FBXO36: variants seen among roughly 807,000 people sequenced by gnomAD.
FBXO36 encodes F-box protein 36.
A neutral mutation model predicts 17.0 loss-of-function variants in FBXO36; 18 were observed. That is an observed-to-expected ratio of 1.06 (90% CI 0.73 to 1.57). The LOEUF (loss-of-function observed/expected upper bound fraction) is 1.57. Ranked by LOEUF, FBXO36 falls within the 40% of genes most tolerant of loss-of-function variation. FBXO36 has a pLI of 0.00. For missense variants in FBXO36, 229 were observed against 221.9 expected, an observed-to-expected ratio of 1.03 and a Z score of -0.20; for synonymous variants, 83 against 85.3, an observed-to-expected ratio of 0.97 and a Z score of 0.15.
intron 1 of FBXO36, among the ~76,000 whole-genome samples, chr2:229,958,958 C>T (rs1183775625): frequency 4.6e-5 from 7 of 152,176 alleles, no homozygotes; most frequent in Non-Finnish European, 1.0e-4. Context: ...ATGAAACTCA[C>T]CCAAGGTCAC....
At chr2:229,975,552 G>A (rs1276026142) in intron 1 of FBXO36, among the ~76,000 whole-genome samples, 4 of 144,686 alleles carry the variant, frequency 2.8e-5, no homozygotes, top group East Asian at 2.1e-4. Context: ...CACTGCAGCC[G>A]CAGCCTCAAC....
intron 1 of FBXO36, among the ~76,000 whole-genome samples, chr2:229,949,908 G>A (rs989877749): frequency 3.3e-5 from 5 of 152,352 alleles, no homozygotes; most frequent in Non-Finnish European, 7.3e-5. Flanking sequence ...CTGGGTGACA[G>A]AGCGAGACTC....
intron 1 of FBXO36, among the ~76,000 whole-genome samples, chr2:229,970,404 A>G (rs1449456464): frequency 1.3e-5 from 2 of 152,160 alleles, no homozygotes; most frequent in Non-Finnish European, 2.9e-5. Context: ...ACTGGAAACA[A>G]CTCAGAAACC....
At chr2:229,968,610 G>A (rs956593433) in intron 1 of FBXO36, among the ~76,000 whole-genome samples, 1 of 152,096 alleles carries the variant, frequency 6.6e-6, no homozygotes, top group Non-Finnish European at 1.5e-5. Context: ...TGGGACTACA[G>A]GCGTGTGCTA....
chr2:230,008,497 C>T (rs988166926), intron 3 of FBXO36, among the ~76,000 whole-genome samples: 1 of 151,934 alleles, frequency 6.6e-6, no homozygotes, highest in African/African-American at 2.4e-5. Context: ...ATTTTGTACA[C>T]GAACTTATAA....
chr2:229,929,731 C>T (rs755203629), intron 1 of FBXO36, among the ~76,000 whole-genome samples: 33 of 151,790 alleles, frequency 2.2e-4, no homozygotes, highest in Admixed American at 5.9e-4. Flanking sequence ...TGGTGGCGCA[C>T]GCCTGTAGTC....
chr2:229,941,780 G>T (rs752312550), intron 1 of FBXO36, among the ~76,000 whole-genome samples: 14 of 152,188 alleles, frequency 9.2e-5, no homozygotes, highest in Non-Finnish European at 1.5e-4. Flanking sequence ...ACTTTGGGAG[G>T]CCGAGGCAGG....
intron 2 of FBXO36, among the ~76,000 whole-genome samples, chr2:229,982,673 G>C (rs1253717117): frequency 1.3e-5 from 2 of 151,272 alleles, no homozygotes. Context: ...CAGGCATGGT[G>C]GTGGGCACCT....
chr2:229,962,543 ATTT>A (rs1222447891), intron 1 of FBXO36, among the ~76,000 whole-genome samples: 1 of 148,630 alleles, frequency 6.7e-6, no homozygotes, highest in Non-Finnish European at 1.5e-5. Context: ...ATTTTATTTT[ATTT>A]TATTGTAGAG....
intron 2 of FBXO36, among the ~76,000 whole-genome samples, chr2:229,984,473 G>C (rs56100979): frequency 6.7e-6 from 1 of 150,068 alleles, no homozygotes; most frequent in Non-Finnish European, 1.5e-5. Flanking sequence ...TCACTGCAAC[G>C]CCGCTCCCGG....
intron 2 of FBXO36, among the ~76,000 whole-genome samples, chr2:229,992,423 G>C (rs2077302525): frequency 6.6e-6 from 1 of 152,110 alleles, no homozygotes; most frequent in African/African-American, 2.4e-5. Flanking sequence ...CTCCCAAAGT[G>C]CTGGGATTAC....
intron 1 of FBXO36, among the ~76,000 whole-genome samples, chr2:229,968,209 A>G (rs2106188201): frequency 6.6e-6 from 1 of 151,550 alleles, no homozygotes; most frequent in South Asian, 2.1e-4. Context: ...ATATTATAAT[A>G]TTCAATTAAA....
chr2:229,938,615 G>A (rs2076979314), intron 1 of FBXO36, among the ~76,000 whole-genome samples: 2 of 148,258 alleles, frequency 1.3e-5, no homozygotes, highest in Admixed American at 1.3e-4. Context: ...CTCCCGAGTA[G>A]CTGGGATTAC....
chr2:229,986,731 C>T (rs2077270397), intron 2 of FBXO36, among the ~76,000 whole-genome samples: 1 of 151,210 alleles, frequency 6.6e-6, no homozygotes, highest in African/African-American at 2.4e-5. Context: ...GACGAGGTTT[C>T]ACCATGTTGG....
chr2:230,005,086 ATTATTTAT>A (rs369839270), intron 3 of FBXO36, among the ~76,000 whole-genome samples: 1 of 151,940 alleles, frequency 6.6e-6, no homozygotes, highest in East Asian at 1.9e-4. Context: ...GCATGGACAG[ATTATTTAT>A]TTATTTATTT....
intron 1 of FBXO36, among the ~76,000 whole-genome samples, chr2:229,922,995 G>A (rs1317908926): frequency 6.6e-6 from 1 of 152,240 alleles, no homozygotes; most frequent in Non-Finnish European, 1.5e-5. Flanking sequence ...CCAAGGAGGA[G>A]CCGGCTAGGG....
intron 2 of FBXO36, among the ~76,000 whole-genome samples, chr2:229,982,897 G>A (rs2077248333): frequency 6.6e-6 from 1 of 152,030 alleles, no homozygotes; most frequent in Non-Finnish European, 1.5e-5. Flanking sequence ...CTTTGGGGAC[G>A]GGCATTATTA....
intron 2 of FBXO36, among the ~76,000 whole-genome samples, chr2:229,996,205 G>A (rs2077326333): frequency 6.6e-6 from 1 of 151,908 alleles, no homozygotes; most frequent in Non-Finnish European, 1.5e-5. Context: ...TTGAGCCTGG[G>A]AGGTCGAGGC....
intron 2 of FBXO36, among the ~76,000 whole-genome samples, chr2:229,992,996 A>G (rs1171738530): frequency 2.6e-5 from 4 of 152,146 alleles, no homozygotes; most frequent in African/African-American, 9.7e-5. Flanking sequence ...CCAAATTCCT[A>G]TCTGAGGGGT....
Sources: gnomAD v4.1 joint callset for allele counts (sites outside exome capture counted in the v4.1 genomes callset) on GRCh38, gnomAD v4.1.1 for gene constraint, MANE v1.5 for transcripts, NCBI Gene and HGNC (gene_info 2026-07-23, HGNC 2026-07-21) for gene names.